Variants in C4orf36 observed in about 807,000 individuals in gnomAD.
C4orf36 encodes the protein chromosome 4 open reading frame 36.
Under a neutral mutation model 12.2 loss-of-function variants are expected in C4orf36, and 11 were observed. That is an observed-to-expected ratio of 0.90 (90% CI 0.57 to 1.49). C4orf36 has a LOEUF of 1.49. Among genes scored for constraint, C4orf36 ranks in the 40% most tolerant of loss-of-function variants. C4orf36 has a pLI of 0.00. For synonymous variants in C4orf36, 54 were observed against 51.3 expected (o/e 1.05, Z -0.22); for missense variants, 137 against 133.9 (o/e 1.02, Z -0.11).
the C4orf36 span, among the ~76,000 whole-genome samples, chr4:86,910,246 C>T: frequency 6.6e-6 from 1 of 151,902 alleles, no homozygotes; most frequent in Non-Finnish European, 1.5e-5. Flanking sequence ...GTTTGCGTCT[C>T]TACTAACAAC....
the C4orf36 span, chr4:86,935,764 C>T: frequency 3.3e-5 from 5 of 152,194 alleles, no homozygotes; most frequent in African/African-American, 1.2e-4. Context: ...TGTCGGTGGT[C>T]CGTAGCCTCC....
At position 86,876,413 on chromosome 4, in the gene C4orf36, G is replaced by C. The variant is rs566557930; in HGVS notation, c.*33C>G. ...AGAAGCAGTTCCCGCCGGCGCTGCT[G>C]AGTTTCTTCATCTACAATCCGCGCT... On this transcript the variant is annotated 3_prime_UTR_variant, in exon 5 of 5. Coordinates refer to ENST00000295898, the MANE Select transcript of C4orf36 (RefSeq NM_144645.4). 1,412 of 1,612,694 alleles carry C rather than the reference G, an allele frequency of 8.8e-4. 8 individuals are homozygous for C. The African/African-American group carries it at 9.6e-3, about 11-fold the overall frequency.
intron 2 of C4orf36, among the ~76,000 whole-genome samples, chr4:86,890,776 G>A (rs1362003077): frequency 3.3e-5 from 5 of 152,210 alleles, no homozygotes; most frequent in Admixed American, 1.3e-4. Context: ...GTTGCAACAC[G>A]TGCTCACTAT....
In C4orf36 at chr4:86,876,516, G is replaced by T; in HGVS notation, c.*3-73C>A. On this transcript the variant is annotated intron_variant, in intron 4 of 4. Coordinates refer to ENST00000295898, the MANE Select transcript of C4orf36 (RefSeq NM_144645.4). Reference sequence around the variant, plus strand: ...TGAGGTAGAAAAAATGAAAAGATTAGAAATGTCGGATTGTGTGAAGCTATT... The same window carrying T: ...TGAGGTAGAAAAAATGAAAAGATTATAAATGTCGGATTGTGTGAAGCTATT... The T allele has an allele frequency of 1.9e-6, 3 of 1,613,822 alleles. No homozygotes were observed. In the Admixed American group the frequency reaches 5.0e-5, roughly 27 times the overall value.
chr4:86,931,456 T>C, the C4orf36 span, among the ~76,000 whole-genome samples: 2 of 152,216 alleles, frequency 1.3e-5, no homozygotes, highest in Admixed American at 6.5e-5. Flanking sequence ...TGGAGTGCAG[T>C]GGCATGATCA....
chr4:86,923,239 G>C, the C4orf36 span, among the ~76,000 whole-genome samples: 3 of 151,838 alleles, frequency 2.0e-5, no homozygotes, highest in African/African-American at 7.3e-5. Flanking sequence ...CTACAGGTAT[G>C]TACCACTATG....
At chr4:86,887,604 GTCAGAACTGGGTACTAAC>G in intron 4 of C4orf36, 136 bp downstream of exon 4, 1 of 749,062 alleles carries the variant, frequency 1.3e-6, no homozygotes, top group Non-Finnish European at 2.1e-6. Context: ...CAGAAGATCT[GTCAGAACTGGGTACTAAC>G]CCACAGCTGT....
chr4:86,889,778 G>A (rs1482658836), intron 2 of C4orf36, among the ~76,000 whole-genome samples: 1 of 152,210 alleles, frequency 6.6e-6, no homozygotes, highest in Non-Finnish European at 1.5e-5. Context: ...TTAGCCGAAT[G>A]TGGTGGCACA....
chr4:86,905,694 T>G, the C4orf36 span, among the ~76,000 whole-genome samples: 1 of 151,584 alleles, frequency 6.6e-6, no homozygotes, highest in Non-Finnish European at 1.5e-5. Flanking sequence ...TGAACACCAC[T>G]TAGGCTTCTG....
In C4orf36 at chr4:86,888,170, C is replaced by A. The variant is rs1476665394; in HGVS notation, c.171G>T (p.Gln57His). The A allele has an allele frequency of 1.2e-6, 2 of 1,614,122 alleles. No homozygotes were observed. The highest frequency in any genetic ancestry group is 1.1e-5 in the South Asian group (1 of 91,074). The change falls in exon 3 of 5, where the codon CAG (glutamine) becomes CAT (histidine). Residue 57 changes from glutamine to histidine, a missense_variant. Physicochemically the swap from Gln to His is conservative, Grantham distance 24 (BLOSUM62 0). Transcript: ENST00000295898. ...LEEISFGGSV[Q>H]LTKCTTIKDG... is the part of the protein sequence containing the mutation. ...CTTTAATGGTGGTACATTTTGTGAG[C>A]TGCACAGAACCACCAAATGAAATTT...
At position 86,888,113 on chromosome 4, in the gene C4orf36, G is replaced by A. The variant is rs777921329; in HGVS notation, c.220+8C>T. The A allele has an allele frequency of 4.6e-5, 74 of 1,606,292 alleles. No homozygotes were observed. The East Asian group carries it at 1.1e-3, about 25-fold the overall frequency. ...ATAACTTATTAAAGCAGAACTTAAG[G>A]AACTTACATTCTGCAGAAGGGAGCA... On this transcript the variant is annotated splice_region_variant and intron_variant, in intron 3 of 4. Coordinates refer to ENST00000295898, the MANE Select transcript of C4orf36 (RefSeq NM_144645.4).
At chr4:86,931,565 A>G in the C4orf36 span, among the ~76,000 whole-genome samples, 1 of 151,742 alleles carries the variant, frequency 6.6e-6, no homozygotes, top group Non-Finnish European at 1.5e-5. Context: ...TGCCTAGCTA[A>G]TTTTTTTGCT....
chr4:86,892,104 C>A (rs1055626111), intron 1 of C4orf36, 79 bp downstream of exon 1: 3 of 985,468 alleles, frequency 3.0e-6, no homozygotes, highest in Non-Finnish European at 2.4e-6. Flanking sequence ...GGAACTGGTT[C>A]CCGGGACGGG....
At chr4:86,917,509 AAAG>A in the C4orf36 span, among the ~76,000 whole-genome samples, 25 of 151,014 alleles carry the variant, frequency 1.7e-4, no homozygotes, top group Non-Finnish European at 3.3e-4. Context: ...AGAAAGAGAA[AAAG>A]AAGAAAGAAA....
At chr4:86,885,069 G>A (rs1019639592) in intron 4 of C4orf36, among the ~76,000 whole-genome samples, 1 of 152,076 alleles carries the variant, frequency 6.6e-6, no homozygotes, top group Non-Finnish European at 1.5e-5. Context: ...CTCTGTTTTG[G>A]TACCAGTACC....
the C4orf36 span, among the ~76,000 whole-genome samples, chr4:86,919,919 C>A: frequency 6.6e-6 from 1 of 152,024 alleles, no homozygotes; most frequent in South Asian, 2.1e-4. Context: ...ATCCCAGCTA[C>A]TCAGGAGGCT....
the C4orf36 span, among the ~76,000 whole-genome samples, chr4:86,911,839 A>G: frequency 6.6e-6 from 1 of 151,686 alleles, no homozygotes; most frequent in African/African-American, 2.4e-5. Context: ...GGCATGCACT[A>G]TCATGCCTGG....
intron 4 of C4orf36, among the ~76,000 whole-genome samples, chr4:86,881,411 T>G (rs1747052453): frequency 6.6e-6 from 1 of 152,182 alleles, no homozygotes; most frequent in Non-Finnish European, 1.5e-5. Flanking sequence ...ATCTCCTGAT[T>G]TTTAAAAAGT....
At chr4:86,901,792 C>T in the C4orf36 span, among the ~76,000 whole-genome samples, 1 of 152,172 alleles carries the variant, frequency 6.6e-6, no homozygotes, top group African/African-American at 2.4e-5. Flanking sequence ...CGTGCTCTTT[C>T]TTAAGCCTGC....
Sources: allele counts gnomAD v4.1 joint callset (sites outside exome capture counted in the v4.1 genomes callset), GRCh38; gene constraint gnomAD v4.1.1; transcripts MANE v1.5; gene names NCBI Gene and HGNC (gene_info 2026-07-23, HGNC 2026-07-21).